The following ARHGAP12 variants were observed in gnomAD, a reference collection of about 807,000 sequenced individuals.
ARHGAP12 encodes the protein Rho GTPase activating protein 12.
ARHGAP12 carries 64 observed loss-of-function variants against 108.6 expected under a neutral mutation model. The observed-to-expected ratio is 0.59, with a 90% CI of 0.48 to 0.73. ARHGAP12 has a LOEUF of 0.73. ARHGAP12 is among the 30% of genes least tolerant of loss of function. The probability of loss-of-function intolerance (pLI) is 0.00; values close to 1 mark genes in which losing one functional copy is unlikely to be tolerated. For synonymous variants in ARHGAP12, 312 were observed against 337.2 expected, an observed-to-expected ratio of 0.93 and a Z score of 0.82; for missense variants, 940 against 1,005.9, an observed-to-expected ratio of 0.93 and a Z score of 0.89.
In ARHGAP12 at chr10:31,925,543, T is replaced by C. The variant is rs1464755893; in HGVS notation, c.-111+3140A>G. On this transcript the variant is annotated intron_variant, in intron 1 of 19. Coordinates refer to ENST00000344936, the MANE Select transcript of ARHGAP12 (RefSeq NM_018287.7). ...TCAGATTTCCTTAGTATTCTCCTAA[T>C]GTCCTTTTTCTGTTCCAGGGTCCCA... Among the ~76,000 whole-genome samples the C allele has an allele frequency of 4.6e-5, 7 of 152,350 alleles. 1 individual carries two copies. The South Asian group carries it at 1.4e-3, about 32-fold the overall frequency.
chr10:31,874,931 G>A (rs1321058166), intron 3 of ARHGAP12, among the ~76,000 whole-genome samples: 4 of 125,910 alleles, frequency 3.2e-5, no homozygotes, highest in East Asian at 2.6e-4. Flanking sequence ...CCAAGATGGC[G>A]CCACAGCACT....
chr10:31,872,351 T>C (rs1243982025), intron 3 of ARHGAP12, among the ~76,000 whole-genome samples: 4 of 152,154 alleles, frequency 2.6e-5, no homozygotes, highest in Admixed American at 6.5e-5. Context: ...CCTACCAGCA[T>C]GGATATTCCA....
chr10:31,879,613 C>T (rs1037763828), intron 3 of ARHGAP12, among the ~76,000 whole-genome samples: 44 of 152,210 alleles, frequency 2.9e-4, no homozygotes, highest in African/African-American at 1.1e-3. Flanking sequence ...CTCCTCTGAC[C>T]TCAGATCGTA....
Position 31,897,962 on chromosome 10 carries a change from C to CA in ARHGAP12, c.684+10209dup, listed in dbSNP as rs1004090506. On this transcript the variant is annotated intron_variant, in intron 3 of 19. Coordinates refer to ENST00000344936, the MANE Select transcript of ARHGAP12 (RefSeq NM_018287.7). ...GCAACAAGGTAAAATCCCATCTCTA[C>CA]AAAAAATACAAAAACTAGCCAGGCT... 7.9e-5 allele frequency among the ~76,000 whole-genome samples: 12 copies of CA among 152,110 alleles called. No individual in the cohort carries two copies. In the South Asian group the frequency reaches 1.5e-3, roughly 18 times the overall value.
chr10:31,878,161 T>A (rs757050066), intron 3 of ARHGAP12, among the ~76,000 whole-genome samples: 6 of 152,014 alleles, frequency 3.9e-5, no homozygotes, highest in South Asian at 2.1e-4. Context: ...GAAACACAGA[T>A]ACAAAAGGTA....
At chr10:31,926,749 C>T (rs951990369) in intron 1 of ARHGAP12, among the ~76,000 whole-genome samples, 1 of 152,146 alleles carries the variant, frequency 6.6e-6, no homozygotes, top group Non-Finnish European at 1.5e-5. Flanking sequence ...AACCACTGAG[C>T]AGATTCTTTC....
chr10:31,852,574 T>G lies in ARHGAP12; in HGVS notation c.1113A>C (p.Gln371His). ...NEKWLKHVDD[Q>H]GRQYYYSADG... is the part of the protein sequence containing the mutation. ...CTGCACTGTAGTAATATTGTCTACCTTGATCATCAACATGCTTGAGCCACT... is the reference window on the plus strand; with the variant it reads ...CTGCACTGTAGTAATATTGTCTACCGTGATCATCAACATGCTTGAGCCACT... Residue 371 changes from glutamine to histidine, a missense_variant, in exon 6 of 20, where the codon CAA becomes CAC. Transcript: ENST00000344936. 6.2e-7 allele frequency: 1 copy of G among 1,613,204 alleles called. No individual in the cohort carries two copies. The highest frequency in any genetic ancestry group is 8.5e-7 in the Non-Finnish European group (1 of 1,179,268).
chr10:31,817,937 G>T, intron 12 of ARHGAP12, 51 bp from the exon 13 acceptor site: 1 of 1,322,516 alleles, frequency 7.6e-7, no homozygotes. Flanking sequence ...TGTGCTTTCA[G>T]CAAAATACAT....
In ARHGAP12 at chr10:31,854,217, T is replaced by C. The variant is rs1438826411; in HGVS notation, c.949-11A>G. ...TTCCGATGAAAGAAGCTACAAATAG[T>C]CAGAAACATAAGGATTTTTCTTTTT... On this transcript the variant is annotated splice_polypyrimidine_tract_variant and intron_variant, in intron 4 of 19. Coordinates refer to ENST00000344936, the MANE Select transcript of ARHGAP12 (RefSeq NM_018287.7). The C allele has an allele frequency of 6.3e-7, 1 of 1,590,686 alleles. No individual in the cohort carries two copies. Among genetic ancestry groups the C allele is most frequent in the Non-Finnish European group, 8.5e-7 (1 of 1,173,548 alleles).
chr10:31,891,957 T>C (rs1170533017), intron 3 of ARHGAP12, among the ~76,000 whole-genome samples: 2 of 152,180 alleles, frequency 1.3e-5, no homozygotes, highest in African/African-American at 4.8e-5. Flanking sequence ...CTTCTCCACA[T>C]TGGTTATTCT....
At position 31,908,635 on chromosome 10, in the gene ARHGAP12, C is replaced by G. The variant is rs150296370; in HGVS notation, c.221G>C (p.Arg74Pro). The change falls in exon 3 of 20, where the codon CGC becomes CCC. Residue 74 changes from arginine (R) to proline (P), a missense_variant. Physicochemically the swap from Arg to Pro is moderately radical, Grantham distance 103 (BLOSUM62 -2). Coordinates refer to ENST00000344936, the MANE Select transcript of ARHGAP12 (RefSeq NM_018287.7). Reference sequence around the variant, plus strand: ...CTTAACAGGTGGCATGAGAGCTTTGCGCGTGACCTCCTTCACATACTGGGC... The same window carrying G: ...CTTAACAGGTGGCATGAGAGCTTTGGGCGTGACCTCCTTCACATACTGGGC... ...VPAQYVKEVT[R>P]KALMPPVKQV... 3 of 1,614,004 alleles carry G rather than the reference C, an allele frequency of 1.9e-6. No individual in the cohort carries two copies. The African/African-American group carries it at 4.0e-5, about 22-fold the overall frequency.
At chr10:31,928,076 TTCCCCGGGTGGGC>T (rs1022476765) in intron 1 of ARHGAP12, among the ~76,000 whole-genome samples, 2 of 151,972 alleles carry the variant, frequency 1.3e-5, no homozygotes, top group East Asian at 1.9e-4. Context: ...CCCAGGTGGA[TTCCCCGGGTGGGC>T]TCCCCGGGTG....
At chr10:31,853,660 A>C (rs1836781020) in intron 5 of ARHGAP12, among the ~76,000 whole-genome samples, 1 of 152,184 alleles carries the variant, frequency 6.6e-6, no homozygotes, top group African/African-American at 2.4e-5. Context: ...TACTAGATTG[A>C]TGGTTTTTGT....
intron 3 of ARHGAP12, among the ~76,000 whole-genome samples, chr10:31,880,712 T>G (rs1837914188): frequency 6.6e-6 from 1 of 152,038 alleles, no homozygotes; most frequent in Non-Finnish European, 1.5e-5. Context: ...GGTCAACAAT[T>G]GTATTTCTAT....
At chr10:31,860,699 G>A (rs1416909016) in intron 4 of ARHGAP12, among the ~76,000 whole-genome samples, 6 of 152,180 alleles carry the variant, frequency 3.9e-5, no homozygotes, top group Non-Finnish European at 7.3e-5. Context: ...ATGGGAAGTA[G>A]TCTGGTAGCC....
chr10:31,896,936 C>T (rs1838723154), intron 3 of ARHGAP12, among the ~76,000 whole-genome samples: 1 of 151,768 alleles, frequency 6.6e-6, no homozygotes, highest in Non-Finnish European at 1.5e-5. Context: ...ATCTATTTCC[C>T]TGGAACAGAA....
intron 14 of ARHGAP12, among the ~76,000 whole-genome samples, chr10:31,813,623 G>A (rs1592243114): frequency 1.6e-5 from 2 of 125,472 alleles, no homozygotes; most frequent in South Asian, 5.3e-4. Context: ...TTAATATGAA[G>A]GCCAAAAAGT....
At chr10:31,868,952 T>C (rs992501852) in intron 3 of ARHGAP12, among the ~76,000 whole-genome samples, 1 of 152,142 alleles carries the variant, frequency 6.6e-6, no homozygotes, top group Non-Finnish European at 1.5e-5. Context: ...CTATGTGATA[T>C]TTATGTTCAT....
rs1170807145 is a variant in ARHGAP12, at chr10:31,810,740, T to C, written c.1959A>G (p.Val653=). The C allele has an allele frequency of 1.9e-6, 3 of 1,605,276 alleles. No homozygotes were observed. Among genetic ancestry groups the C allele is most frequent in the Non-Finnish European group, 2.6e-6 (3 of 1,176,262 alleles). ...VREKGYIKDQ[V]FGSNLANLCQ... ...ACAGATTAGCGAGATTGGATCCAAATACCTGATCTGAAAAAGATTTATTTT... is the reference window on the plus strand; with the variant it reads ...ACAGATTAGCGAGATTGGATCCAAACACCTGATCTGAAAAAGATTTATTTT... The change falls in exon 16 of 20, where the codon GTA becomes GTG. Residue 653 remains valine (V), a synonymous_variant. Transcript: ENST00000344936.
Sources: gnomAD v4.1 joint callset for allele counts (sites outside exome capture counted in the v4.1 genomes callset) on GRCh38, gnomAD v4.1.1 for gene constraint, MANE v1.5 for transcripts, NCBI Gene and HGNC (gene_info 2026-07-23, HGNC 2026-07-21) for gene names.